Variants in MTUS2 observed in about 807,000 individuals in gnomAD.
The protein encoded by MTUS2 is microtubule associated scaffold protein 2.
In MTUS2, 40 loss-of-function variants were observed where a neutral mutation model predicts 114.1. That is an observed-to-expected ratio of 0.35 (90% CI 0.27 to 0.46). MTUS2 has a LOEUF of 0.46. MTUS2 is among the 20% of genes least tolerant of loss of function. The pLI, the probability that MTUS2 is intolerant of heterozygous loss-of-function variation, is 1.00. For missense variants in MTUS2, 1,679 were observed against 1,705.4 expected (o/e 0.98, Z 0.27); for synonymous variants, 688 against 672.0 (o/e 1.02, Z -0.37).
intron 2 of MTUS2, among the ~76,000 whole-genome samples, chr13:28,874,136 G>A (rs1877789556): frequency 6.6e-6 from 1 of 152,052 alleles, no homozygotes; most frequent in African/African-American, 2.4e-5. Flanking sequence ...CTCTGCCTCA[G>A]CCTCCCAAGT....
At chr13:29,354,861 A>G (rs1165021924) in intron 7 of MTUS2, among the ~76,000 whole-genome samples, 1 of 152,238 alleles carries the variant, frequency 6.6e-6, no homozygotes, top group Non-Finnish European at 1.5e-5. Context: ...AAGCCTGTCC[A>G]AGTCCATGAA....
intron 5 of MTUS2, among the ~76,000 whole-genome samples, chr13:29,233,400 G>A (rs1408884484): frequency 6.6e-6 from 1 of 152,136 alleles, no homozygotes; most frequent in East Asian, 1.9e-4. Context: ...ACGAAGTAGG[G>A]AAGTGTACCC....
chr13:29,167,419 T>C (rs544903912), intron 5 of MTUS2, among the ~76,000 whole-genome samples: 564 of 13,418 alleles, frequency 0.042, 4 homozygotes, highest in African/African-American at 0.079. Flanking sequence ...CACTTTTTTC[T>C]TTCTTTTTTT....
chr13:29,357,141 T>G lies in MTUS2; in HGVS notation c.2906-2121T>G, dbSNP rs139513065. On this transcript the variant is annotated intron_variant, in intron 7 of 15. Transcript: ENST00000612955. Reference sequence around the variant, plus strand: ...TAGAATTTCACTGAATCCTTTTATATTCTCCATTTACCATTGAGTATAATT... The same window carrying G: ...TAGAATTTCACTGAATCCTTTTATAGTCTCCATTTACCATTGAGTATAATT... Among the ~76,000 whole-genome samples, 912 of 152,174 alleles carry G rather than the reference T, an allele frequency of 6.0e-3. 4 individuals are homozygous for G. Among genetic ancestry groups the G allele is most frequent in the Non-Finnish European group, 9.7e-3 (663 of 68,008 alleles).
chr13:29,067,213 A>G (rs913211597), intron 4 of MTUS2, among the ~76,000 whole-genome samples: 7 of 152,142 alleles, frequency 4.6e-5, no homozygotes, highest in Admixed American at 4.6e-4. Context: ...TGTGAGTTGA[A>G]GCCATGGGAA....
rs557533398 is a variant in MTUS2 at position 29,265,119 on chromosome 13, C to T, written c.2645-16585C>T. On this transcript the variant is annotated intron_variant, in intron 5 of 15. Coordinates refer to ENST00000612955, the MANE Select transcript of MTUS2 (RefSeq NM_001033602.4). ...GGCAATAGGCTGTTACAAGCAGCCACGCTATACCTTAGACACTTTGCTGTT... is the reference window on the plus strand; with the variant it reads ...GGCAATAGGCTGTTACAAGCAGCCATGCTATACCTTAGACACTTTGCTGTT... Among the ~76,000 whole-genome samples, 44 of 152,008 alleles carry T rather than the reference C, an allele frequency of 2.9e-4. No homozygotes were observed. In the East Asian group the frequency reaches 4.3e-3, roughly 15 times the overall value.
chr13:29,476,431 G>A (rs1201900094), intron 9 of MTUS2: 1 of 152,100 alleles, frequency 6.6e-6, no homozygotes, highest in African/African-American at 2.4e-5. Context: ...ATCAGAATAT[G>A]AACTTTCCTT....
At chr13:29,475,977 G>T (rs868565081) in intron 9 of MTUS2, among the ~76,000 whole-genome samples, 15 of 152,180 alleles carry the variant, frequency 9.9e-5, no homozygotes, top group Non-Finnish European at 1.8e-4. Context: ...CTTACCCAGA[G>T]GAGCCTCCAG....
Position 28,918,326 on chromosome 13 carries a change from A to G in MTUS2, c.-243+78476A>G, listed in dbSNP as rs961783216. On this transcript the variant is annotated intron_variant, in intron 2 of 15. Transcript: ENST00000612955. ...AGGTCTATCTCAATCTTTAGCTCCA[A>G]TAATATTAGCTTTATATATCTGGGT... is the stretch of plus-strand genomic sequence containing the variant. Among the ~76,000 whole-genome samples, 18 of 151,976 alleles carry G rather than the reference A, an allele frequency of 1.2e-4. No individual in the cohort carries two copies. In the South Asian group the frequency reaches 1.5e-3, roughly 12 times the overall value.
At chr13:28,997,418 G>C (rs1434482344) in intron 2 of MTUS2, among the ~76,000 whole-genome samples, 1 of 152,214 alleles carries the variant, frequency 6.6e-6, no homozygotes, top group African/African-American at 2.4e-5. Context: ...GCCTGGTGCA[G>C]AGCTGAGTTC....
At chr13:29,212,320 T>TA (rs148432103) in intron 5 of MTUS2, among the ~76,000 whole-genome samples, 2,661 of 150,198 alleles carry the variant, frequency 0.018, 48 homozygotes, top group African/African-American at 0.05. Context: ...TTTGGATGAT[T>TA]AAAAAAAAAC....
intron 5 of MTUS2, among the ~76,000 whole-genome samples, chr13:29,154,103 T>TG (rs1388120840): frequency 6.6e-6 from 1 of 152,232 alleles, no homozygotes; most frequent in Admixed American, 6.5e-5. Flanking sequence ...GCCCTGGCCT[T>TG]GCTGTCTCGT....
At chr13:29,151,042 A>G (rs750853529) in intron 5 of MTUS2, among the ~76,000 whole-genome samples, 1 of 152,138 alleles carries the variant, frequency 6.6e-6, no homozygotes, top group Non-Finnish European at 1.5e-5. Flanking sequence ...TTGGTTTCAT[A>G]TGAATTTCAG....
intron 15 of MTUS2, among the ~76,000 whole-genome samples, chr13:29,501,623 A>C (rs1379961130): frequency 6.6e-6 from 1 of 152,178 alleles, no homozygotes; most frequent in African/African-American, 2.4e-5. Flanking sequence ...CTTTCAAGGA[A>C]GGGTGTTCAG....
intron 2 of MTUS2, among the ~76,000 whole-genome samples, chr13:28,976,203 C>CAAAAAAAAAAAAAAAAAAAAAAAAA (rs71090215): frequency 2.2e-5 from 2 of 90,158 alleles, no homozygotes; most frequent in Non-Finnish European, 2.2e-5. Context: ...GACCTTGTCT[C>CAAAAAAAAAAAAAAAAAAAAAAAAA]AAAAAAAAAA....
At chr13:29,386,197 A>G (rs565296853) in intron 8 of MTUS2, among the ~76,000 whole-genome samples, 4 of 152,376 alleles carry the variant, frequency 2.6e-5, no homozygotes, top group Non-Finnish European at 5.9e-5. Flanking sequence ...GACACTTGTT[A>G]AAACTAAGGT....
chr13:29,268,578 C>T (rs1415446961), intron 5 of MTUS2, among the ~76,000 whole-genome samples: 1 of 152,166 alleles, frequency 6.6e-6, no homozygotes, highest in Non-Finnish European at 1.5e-5. Flanking sequence ...CTTGTCTTCT[C>T]CCTCACCTCC....
Position 29,435,414 on chromosome 13 carries a change from G to A in MTUS2, c.3118-4569G>A, listed in dbSNP as rs1047164346. On this transcript the variant is annotated intron_variant, in intron 8 of 15. Coordinates refer to ENST00000612955, the MANE Select transcript of MTUS2 (RefSeq NM_001033602.4). ...ATCTAACCCTGGGCCCTTAGAGGAG[G>A]CCTTGATCATATTTCAGTCAACCCA... 7.7e-4 allele frequency among the ~76,000 whole-genome samples: 117 copies of A among 152,152 alleles called. 1 individual carries two copies. Among genetic ancestry groups the A allele is most frequent in the African/African-American group, 2.8e-3 (117 of 41,442 alleles).
intron 6 of MTUS2, among the ~76,000 whole-genome samples, chr13:29,321,584 A>G (rs1900257524): frequency 6.6e-6 from 1 of 152,202 alleles, no homozygotes; most frequent in African/African-American, 2.4e-5. Context: ...AGTTATTCCT[A>G]TAGGACTGCT....
Sources: gnomAD v4.1 joint callset for allele counts (sites outside exome capture counted in the v4.1 genomes callset) on GRCh38, gnomAD v4.1.1 for gene constraint, MANE v1.5 for transcripts, NCBI Gene and HGNC (gene_info 2026-07-23, HGNC 2026-07-21) for gene names.